FADS2: variants seen among roughly 807,000 people sequenced by gnomAD.
The protein encoded by FADS2 is fatty acid desaturase 2, also known as acyl-CoA 6-desaturase.
FADS2 carries 18 observed loss-of-function variants against 61.2 expected under a neutral mutation model. That is an observed-to-expected ratio of 0.29 (90% CI 0.20 to 0.44). FADS2 has a LOEUF of 0.44. Ranked by LOEUF, FADS2 falls within the 20% of genes least tolerant of loss-of-function variation. The probability of loss-of-function intolerance (pLI) is 1.00; values close to 1 mark genes in which losing one functional copy is unlikely to be tolerated. For synonymous variants in FADS2, 203 were observed against 223.9 expected (o/e 0.91, Z 0.83); for missense variants, 322 against 572.7 (o/e 0.56, Z 4.47).
At chr11:61,824,429 AG>A (rs1565325152), upstream of FADS2, among the ~76,000 whole-genome samples, 1 of 7,522 alleles carries the variant, frequency 1.3e-4, no homozygotes. Context: ...AGAGAGAGAG[AG>A]AGAGGGAGGG....
chr11:61,860,728 T>C (rs2067406489), intron 7 of FADS2, among the ~76,000 whole-genome samples: 1 of 152,032 alleles, frequency 6.6e-6, no homozygotes, highest in South Asian at 2.1e-4. Context: ...GAGACCAGCC[T>C]GAGCAACATG....
At chr11:61,840,785 A>T in intron 4 of FADS2, 60 bp downstream of exon 4, 1 of 1,274,810 alleles carries the variant, frequency 7.8e-7, no homozygotes. Flanking sequence ...CAGAGGGACC[A>T]GGATTCCTCT....
rs188700427 is a variant in FADS2, at chr11:61,858,525, A to C, written c.882+995A>C. ...TCTTCACCAAAAGTGGATTCTTGAA[A>C]ATTTTTCCTTTTTTTTAAAATAGGG... On this transcript the variant is annotated intron_variant, in intron 7 of 11. Coordinates refer to ENST00000278840, the MANE Select transcript of FADS2 (RefSeq NM_004265.4). Among the ~76,000 whole-genome samples, 533 of 151,736 alleles carry C rather than the reference A, an allele frequency of 3.5e-3. 1 individual carries two copies. Among genetic ancestry groups the C allele is most frequent in the Non-Finnish European group, 6.2e-3 (421 of 67,938 alleles).
In FADS2 at chr11:61,866,301, G is replaced by A. The variant is rs900176520; in HGVS notation, c.*612G>A. The A allele has an allele frequency of 2.9e-5, 8 of 280,512 alleles. No homozygotes were observed. The highest frequency in any genetic ancestry group is 5.8e-5 in the East Asian group (1 of 17,134). 17.4% of individuals were successfully genotyped at this position (280,512 alleles called of 1,614,324 possible). Reference sequence around the variant, plus strand: ...AAGATGTCCAGGGCCCCAGGCCCGCGGGCACAGCCAGCCCAAACCTTGGGC... The same window carrying A: ...AAGATGTCCAGGGCCCCAGGCCCGCAGGCACAGCCAGCCCAAACCTTGGGC... On this transcript the variant is annotated 3_prime_UTR_variant, in exon 12 of 12. Coordinates refer to ENST00000278840, the MANE Select transcript of FADS2 (RefSeq NM_004265.4).
chr11:61,850,859 G>A (rs893643395), intron 5 of FADS2, among the ~76,000 whole-genome samples: 2 of 152,174 alleles, frequency 1.3e-5, no homozygotes, highest in African/African-American at 2.4e-5. Context: ...ATTCCCGACA[G>A]CCTTGGCGCC....
At position 61,861,371 on chromosome 11, in the gene FADS2, A is replaced by AAAAAAAAAAAAAC. The variant is rs1555078396; in HGVS notation, c.883-1601_883-1600insAAAAAAAAAAAAC. Among the ~76,000 whole-genome samples, 101 of 106,516 alleles carry AAAAAAAAAAAAAC rather than the reference A, an allele frequency of 9.5e-4. 6 individuals carry two copies. Among genetic ancestry groups the AAAAAAAAAAAAAC allele is most frequent in the Non-Finnish European group, 1.9e-3 (87 of 46,252 alleles). 69.9% of individuals were successfully genotyped at this position (106,516 alleles called of 152,430 possible). A position where few individuals can be genotyped will look rare whatever the true frequency, so the allele number is the denominator to read the frequency against. On this transcript the variant is annotated intron_variant, in intron 7 of 11. Transcript: ENST00000278840. ...TCCCTCTCAAAAAAAAAAAAAAAAA[A>AAAAAAAAAAAAAC]CAGAAATTAGCTACTCGGGAGGCTG...
At chr11:61,823,918 T>C (rs2067050415), upstream of FADS2, among the ~76,000 whole-genome samples, 2 of 152,226 alleles carry the variant, frequency 1.3e-5, no homozygotes, top group Admixed American at 6.5e-5. Flanking sequence ...AAATTATTCA[T>C]TTTTTAAAAA....
At chr11:61,818,698 G>A (rs141055179) in intron 1 of FADS2, among the ~76,000 whole-genome samples, 1,540 of 152,174 alleles carry the variant, frequency 0.01, 23 homozygotes, top group African/African-American at 0.035. Context: ...GTATGGGTTC[G>A]CTGATTACAA....
Position 61,865,399 on chromosome 11 carries a change from G to A in FADS2, c.1283+122G>A, listed in dbSNP as rs1037762103. 66 of 1,287,996 alleles carry A rather than the reference G, an allele frequency of 5.1e-5. No individual in the cohort carries two copies. Among genetic ancestry groups the A allele is most frequent in the Non-Finnish European group, 6.5e-5 (61 of 939,060 alleles). The allele number at this position is 1,287,996 out of a possible 1,614,324, so 79.8% of individuals were successfully genotyped here. On this transcript the variant is annotated intron_variant, in intron 11 of 11. Coordinates refer to ENST00000278840, the MANE Select transcript of FADS2 (RefSeq NM_004265.4). This position sits in a 1 kb window ranked among gnomAD's most constrained non-coding sequence, Gnocchi z 4.1. Reference sequence around the variant, plus strand: ...CCACCAGGGCACCTGCCTTACTCCCGAGCCTGTGTTAGGAGCTGTTGGGCT... The same window carrying A: ...CCACCAGGGCACCTGCCTTACTCCCAAGCCTGTGTTAGGAGCTGTTGGGCT...
chr11:61,820,359 A>T (rs1372432655), intron 1 of FADS2, among the ~76,000 whole-genome samples: 4 of 152,108 alleles, frequency 2.6e-5, no homozygotes, highest in Non-Finnish European at 4.4e-5. Flanking sequence ...GAGACAAGTG[A>T]GTCACGGATT....
intron 1 of FADS2, among the ~76,000 whole-genome samples, chr11:61,829,912 G>T (rs2067114775): frequency 6.6e-6 from 1 of 152,238 alleles, no homozygotes; most frequent in Admixed American, 6.5e-5. Context: ...GACAGGTGGT[G>T]TGGGCCAGCA....
At chr11:61,831,439 C>T (rs1467485216) in intron 1 of FADS2, among the ~76,000 whole-genome samples, 2 of 152,132 alleles carry the variant, frequency 1.3e-5, no homozygotes, top group Non-Finnish European at 2.9e-5. Context: ...GTCAAGGTAG[C>T]CATTCTTGGG....
chr11:61,824,397 A>G (rs866225313), upstream of FADS2, among the ~76,000 whole-genome samples: 163 of 2,674 alleles, frequency 0.061, 1 homozygote, highest in Middle Eastern at 0.4. Flanking sequence ...AAAAAAAAAG[A>G]GAGAGAGAGA....
upstream of FADS2, among the ~76,000 whole-genome samples, chr11:61,825,019 C>T (rs2067071941): frequency 6.6e-6 from 1 of 151,318 alleles, no homozygotes; most frequent in African/African-American, 2.4e-5. Flanking sequence ...GGTGAAACCC[C>T]ATCTCTACTA....
chr11:61,826,696 G>T (rs1354160157), upstream of FADS2, among the ~76,000 whole-genome samples: 1 of 152,116 alleles, frequency 6.6e-6, no homozygotes, highest in Non-Finnish European at 1.5e-5. Context: ...GCAGTCTGTG[G>T]AGTGAATGAA....
At chr11:61,825,888 A>C, upstream of FADS2, 1 of 587,436 alleles carries the variant, frequency 1.7e-6, no homozygotes, top group Non-Finnish European at 3.0e-6. Flanking sequence ...GTGAGACTGC[A>C]TCTCAAAAAA....
intron 4 of FADS2, among the ~76,000 whole-genome samples, chr11:61,843,473 G>A (rs749606979): frequency 5.9e-5 from 9 of 152,148 alleles, no homozygotes; most frequent in East Asian, 1.9e-4. Flanking sequence ...CCATCTGGGC[G>A]CTGCATCTGG....
rs1056330313 is a variant in FADS2, at chr11:61,867,159, C to A, written c.*1470C>A. ...GGGCTTTCGGGGAGGGCGCCTAGTC[C>A]CCCCAGCTCTAAGCAGCCAGGAGGG... On this transcript the variant is annotated 3_prime_UTR_variant, in exon 12 of 12. Coordinates refer to ENST00000278840, the MANE Select transcript of FADS2 (RefSeq NM_004265.4). The A allele has an allele frequency of 6.6e-6, 1 of 152,202 alleles. No individual in the cohort carries two copies. Among genetic ancestry groups the A allele is most frequent in the African/African-American group, 2.4e-5 (1 of 41,392 alleles). 9.4% of individuals were successfully genotyped at this position (152,202 alleles called of 1,614,324 possible).
chr11:61,848,172 A>G lies in FADS2; in HGVS notation c.632A>G (p.Asn211Ser). The change falls in exon 5 of 12, where the codon AAC becomes AGC. Residue 211 changes from asparagine (N) to serine (S), a missense_variant. By Grantham distance (46) the Asn-to-Ser change is conservative. This residue lies in a region of FADS2 where 221 missense variants were observed against 427.9 expected (regional missense o/e 0.52). Transcript: ENST00000278840. ...CTCTCCCCACAGGGTGCCTCTGCCA[A>G]CTGGTGGAATCATCGCCACTTCCAG... is the stretch of plus-strand genomic sequence containing the variant. ...VIGHLKGASA[N>S]WWNHRHFQHH... The G allele has an allele frequency of 6.2e-7, 1 of 1,614,178 alleles. No individual in the cohort carries two copies. The highest frequency in any genetic ancestry group is 1.1e-5 in the South Asian group (1 of 91,088).
Sources: gnomAD v4.1 joint callset for allele counts (sites outside exome capture counted in the v4.1 genomes callset) on GRCh38, gnomAD v4.1.1 for gene constraint, gnomAD v4.1.1 regional missense constraint, Gnocchi (gnomAD v3.1) non-coding constraint, MANE v1.5 for transcripts, NCBI Gene and HGNC (gene_info 2026-07-23, HGNC 2026-07-21) for gene names.